ADGRL2: variants seen among roughly 807,000 people sequenced by gnomAD.
ADGRL2 encodes adhesion G protein-coupled receptor L2, also known as calcium-independent alpha-latrotoxin receptor 2.
A neutral mutation model predicts 157.4 loss-of-function variants in ADGRL2; 44 were observed. The observed-to-expected ratio is 0.28, with a 90% CI of 0.22 to 0.36. The LOEUF (loss-of-function observed/expected upper bound fraction) is 0.36, where lower values mean the gene tolerates loss of function less well. ADGRL2 is among the 10% of genes least tolerant of loss of function. ADGRL2 has a pLI of 1.00. For missense variants in ADGRL2, 1,510 were observed against 1,768.9 expected (o/e 0.85, Z 2.63); for synonymous variants, 585 against 624.7 (o/e 0.94, Z 0.95).
intron 1 of ADGRL2, among the ~76,000 whole-genome samples, chr1:81,434,489 G>T (rs960107329): frequency 2.0e-5 from 3 of 152,050 alleles, no homozygotes; most frequent in Admixed American, 6.6e-5. Flanking sequence ...GGGCCTAGAA[G>T]AGTGTCTGGT....
chr1:81,835,272 T>G (rs2092209272), intron 1 of ADGRL2, among the ~76,000 whole-genome samples: 1 of 152,190 alleles, frequency 6.6e-6, no homozygotes, highest in African/African-American at 2.4e-5. Flanking sequence ...TTAATTTTAC[T>G]TGCAGCACTT....
chr1:81,865,447 A>G (rs989093787), intron 2 of ADGRL2, among the ~76,000 whole-genome samples: 3 of 152,198 alleles, frequency 2.0e-5, no homozygotes, highest in Non-Finnish European at 2.9e-5. Context: ...TCTATTTTAA[A>G]GATGTTTAAG....
At chr1:81,326,908 A>T (rs548235186) in intron 1 of ADGRL2, among the ~76,000 whole-genome samples, 1 of 152,340 alleles carries the variant, frequency 6.6e-6, no homozygotes, top group East Asian at 1.9e-4. Context: ...CTCTAGAGGT[A>T]GCTTAATTTT....
At chr1:81,598,451 A>G (rs1436015776) in intron 3 of ADGRL2, among the ~76,000 whole-genome samples, 2 of 152,260 alleles carry the variant, frequency 1.3e-5, no homozygotes, top group Non-Finnish European at 2.9e-5. Context: ...CACCCTGTAC[A>G]TATAATAAAA....
chr1:81,350,705 A>AT (rs1431714614), intron 1 of ADGRL2, among the ~76,000 whole-genome samples: 2 of 152,270 alleles, frequency 1.3e-5, no homozygotes, highest in East Asian at 3.9e-4. Context: ...TACTTGACAG[A>AT]TTTTATGCCT....
chr1:81,564,494 G>A (rs144664295), intron 2 of ADGRL2, among the ~76,000 whole-genome samples: 168 of 152,214 alleles, frequency 1.1e-3, no homozygotes, highest in Non-Finnish European at 8.2e-4. Context: ...TCTATTGGCC[G>A]GAGCCTCCCT....
intron 3 of ADGRL2, among the ~76,000 whole-genome samples, chr1:81,650,047 C>A (rs1425584366): frequency 8.5e-5 from 11 of 129,972 alleles, no homozygotes; most frequent in African/African-American, 2.4e-4. Context: ...AAGTATGGCA[C>A]CTATTCTTAA....
At chr1:81,924,511 A>G (rs1288223055) in intron 3 of ADGRL2, among the ~76,000 whole-genome samples, 1 of 152,170 alleles carries the variant, frequency 6.6e-6, no homozygotes, top group Admixed American at 6.6e-5. Flanking sequence ...AGTAGATAAT[A>G]TCGTAGAGAG....
intron 19 of ADGRL2, 89 bp from the exon 20 acceptor site, chr1:81,984,494 T>C: frequency 7.7e-7 from 1 of 1,295,902 alleles, no homozygotes; most frequent in Non-Finnish European, 1.0e-6. Context: ...ACTTTAATTC[T>C]TTTCGGTTGT....
At chr1:81,333,158 T>G (rs1185409037) in intron 1 of ADGRL2, among the ~76,000 whole-genome samples, 2 of 152,142 alleles carry the variant, frequency 1.3e-5, no homozygotes, top group African/African-American at 4.8e-5. Flanking sequence ...TTCCTTAGCA[T>G]CTACCAGAGT....
chr1:81,887,624 T>C (rs1364998822), intron 2 of ADGRL2, among the ~76,000 whole-genome samples: 1 of 152,226 alleles, frequency 6.6e-6, no homozygotes, highest in Non-Finnish European at 1.5e-5. Context: ...CTCTCCCAGT[T>C]CCAACATTCC....
intron 1 of ADGRL2, among the ~76,000 whole-genome samples, chr1:81,705,756 A>G (rs1355561965): frequency 6.6e-6 from 1 of 151,838 alleles, no homozygotes; most frequent in Non-Finnish European, 1.5e-5. Context: ...CGCTATAAAA[A>G]ATTTAAAAGG....
rs868854994 is a variant in ADGRL2 at position 81,734,879 on chromosome 1, C to T, written c.-142-26932C>T. Among the ~76,000 whole-genome samples, 80 of 144,730 alleles carry T rather than the reference C, an allele frequency of 5.5e-4. 2 individuals carry two copies. The highest frequency in any genetic ancestry group is 7.1e-3 in the Middle Eastern group (2 of 280). 94.9% of individuals were successfully genotyped at this position (144,730 alleles called of 152,430 possible). On this transcript the variant is annotated intron_variant, in intron 1 of 20. Transcript: ENST00000359929. ...AGAAACCCTGTCTCTACTAAAAATA[C>T]AAAATTAGCCAGGCATGGTGGTGCA...
At chr1:81,776,567 A>G (rs1336305361) in intron 2 of ADGRL2, among the ~76,000 whole-genome samples, 2 of 152,232 alleles carry the variant, frequency 1.3e-5, no homozygotes, top group Non-Finnish European at 2.9e-5. Flanking sequence ...AAACATTGCC[A>G]TATTCCCAGT....
chr1:81,359,084 TAAAAA>T (rs760435009), intron 1 of ADGRL2, among the ~76,000 whole-genome samples: 1 of 151,346 alleles, frequency 6.6e-6, no homozygotes, highest in Middle Eastern at 3.2e-3. Flanking sequence ...TAAAAAAAAT[TAAAAA>T]AAAGAAAGAA....
intron 3 of ADGRL2, among the ~76,000 whole-genome samples, chr1:81,651,045 A>T (rs1448654296): frequency 6.6e-6 from 1 of 152,216 alleles, no homozygotes; most frequent in Non-Finnish European, 1.5e-5. Context: ...CCACATTTTC[A>T]TTAAAATTAC....
At position 81,403,572 on chromosome 1, in the gene ADGRL2, CTT is replaced by C. The variant is rs1222837043; in HGVS notation, c.-301-41460_-301-41459del. 1.3e-5 allele frequency among the ~76,000 whole-genome samples: 2 copies of C among 148,880 alleles called. 1 individual carries two copies. Among genetic ancestry groups the C allele is most frequent in the African/African-American group, 5.2e-5 (2 of 38,606 alleles). On this transcript the variant is annotated intron_variant, in intron 1 of 24. Transcript: ENST00000370721. ...TGAGTCACCGTGCCTGGCCATAACA[CTT>C]TTTCTTTAATGAGTGTACCTCTAGG...
At chr1:81,658,171 C>G (rs2082575569) in intron 3 of ADGRL2, among the ~76,000 whole-genome samples, 1 of 152,210 alleles carries the variant, frequency 6.6e-6, no homozygotes, top group Non-Finnish European at 1.5e-5. Flanking sequence ...TCTTGGCTCA[C>G]TGCAACCTCT....
At chr1:81,312,380 A>G (rs971666163) in intron 1 of ADGRL2, among the ~76,000 whole-genome samples, 28 of 152,202 alleles carry the variant, frequency 1.8e-4, no homozygotes, top group African/African-American at 6.5e-4. Context: ...TGCTCCTGGA[A>G]CAATGAGACG....
Sources: gnomAD v4.1 joint callset for allele counts (sites outside exome capture counted in the v4.1 genomes callset) on GRCh38, gnomAD v4.1.1 for gene constraint, MANE v1.5 for transcripts, NCBI Gene and HGNC (gene_info 2026-07-23, HGNC 2026-07-21) for gene names.